Variants in GATAD2B observed in about 807,000 individuals in gnomAD.
The protein encoded by GATAD2B is GATA zinc finger domain containing 2B, also known as transcriptional repressor p66-beta.
Under a neutral mutation model 64.3 loss-of-function variants are expected in GATAD2B, and 8 were observed. The observed-to-expected ratio is 0.12, with a 90% confidence interval of 0.07 to 0.22. GATAD2B has a LOEUF of 0.22. GATAD2B is among the 10% of genes least tolerant of loss of function. The probability of loss-of-function intolerance (pLI) is 1.00; values close to 1 mark genes in which losing one functional copy is unlikely to be tolerated. For synonymous variants in GATAD2B, 281 were observed against 271.3 expected, an observed-to-expected ratio of 1.04 and a Z score of -0.35; for missense variants, 453 against 752.0, an observed-to-expected ratio of 0.60 and a Z score of 4.65.
chr1:153,845,856 G>C (rs1224046893), intron 1 of GATAD2B, among the ~76,000 whole-genome samples: 1 of 152,036 alleles, frequency 6.6e-6, no homozygotes, highest in Non-Finnish European at 1.5e-5. Flanking sequence ...GATTGTTTAA[G>C]CTCTGGTGTT....
In GATAD2B at chr1:153,818,842, C is replaced by T. The variant is rs766166444; in HGVS notation, c.546G>A (p.Leu182=). 1.2e-6 allele frequency: 2 copies of T among 1,613,686 alleles called. No individual in the cohort carries two copies. The highest frequency in any genetic ancestry group is 1.7e-6 in the Non-Finnish European group (2 of 1,179,946). The part of the protein sequence containing the change: ...ELRLEEARLV[L]LKKLRQSQLQ... ...GCTGACTCTGTCTCAGTTTCTTTAA[C>T]AGGACCAGTCGGGCTTCTTCCAATC... Residue 182 remains leucine, a synonymous_variant, in exon 4 of 11, where the codon CTG becomes CTA. Coordinates refer to ENST00000368655, the MANE Select transcript of GATAD2B (RefSeq NM_020699.4).
intron 1 of GATAD2B, among the ~76,000 whole-genome samples, chr1:153,877,083 C>T (rs1676859824): frequency 6.6e-6 from 1 of 152,062 alleles, no homozygotes; most frequent in African/African-American, 2.4e-5. Context: ...GCCTATAATC[C>T]CAGCACTTTG....
intron 1 of GATAD2B, among the ~76,000 whole-genome samples, chr1:153,835,680 C>A (rs1211534066): frequency 6.6e-6 from 1 of 152,106 alleles, no homozygotes; most frequent in African/African-American, 2.4e-5. Context: ...TCCTATTGCA[C>A]TTAATAGACT....
At chr1:153,882,579 C>CT (rs1313733335) in intron 1 of GATAD2B, among the ~76,000 whole-genome samples, 1 of 152,078 alleles carries the variant, frequency 6.6e-6, no homozygotes, top group East Asian at 1.9e-4. Flanking sequence ...CAGCTTAGGC[C>CT]TTTGTTATGT....
Position 153,811,721 on chromosome 1 carries a change from T to C in GATAD2B, c.1648+10A>G, listed in dbSNP as rs1255155103. ...CCCATGAGAAACATTTTCAGATTAA[T>C]CCTTCTTACCTGGCATACCAAGGAG... On this transcript the variant is annotated intron_variant, in intron 10 of 10. Transcript: ENST00000368655. The C allele has an allele frequency of 6.6e-7, 1 of 1,524,070 alleles. No homozygotes were observed. Among genetic ancestry groups the C allele is most frequent in the Admixed American group, 1.7e-5 (1 of 59,630 alleles). 94.4% of individuals were successfully genotyped at this position (1,524,070 alleles called of 1,614,324 possible).
intron 1 of GATAD2B, among the ~76,000 whole-genome samples, chr1:153,877,619 T>C (rs1403994561): frequency 6.6e-6 from 1 of 152,114 alleles, no homozygotes; most frequent in Non-Finnish European, 1.5e-5. Flanking sequence ...GGCTCATGCC[T>C]GTAATCCCAG....
chr1:153,819,888 C>T (rs571200399), intron 2 of GATAD2B, among the ~76,000 whole-genome samples, 153 bp from the exon 3 acceptor site: 1 of 152,158 alleles, frequency 6.6e-6, no homozygotes, highest in Non-Finnish European at 1.5e-5. Flanking sequence ...CACCTGGGGT[C>T]AGGAGTTCGA....
Position 153,821,519 on chromosome 1 carries a change from T to C in GATAD2B, c.336-1784A>G, listed in dbSNP as rs186739733. ...AAGCCACTAGAGGGAGAAAAGAGCC[T>C]TTCATTCTCTAACCCCAAATATGAG... On this transcript the variant is annotated intron_variant, in intron 2 of 10. Coordinates refer to ENST00000368655, the MANE Select transcript of GATAD2B (RefSeq NM_020699.4). Among the ~76,000 whole-genome samples the C allele has an allele frequency of 2.0e-4, 31 of 152,246 alleles. No individual in the cohort carries two copies. In the East Asian group the frequency reaches 5.4e-3, roughly 27 times the overall value.
chr1:153,819,130 G>C (rs944355989), intron 3 of GATAD2B, among the ~76,000 whole-genome samples: 1 of 152,220 alleles, frequency 6.6e-6, no homozygotes, highest in Non-Finnish European at 1.5e-5. Flanking sequence ...TTAAAGGACA[G>C]ACCACGTATA....
intron 7 of GATAD2B, among the ~76,000 whole-genome samples, chr1:153,815,979 G>C (rs1038629825): frequency 6.6e-6 from 1 of 151,900 alleles, no homozygotes; most frequent in Non-Finnish European, 1.5e-5. Flanking sequence ...CTTGAACTCA[G>C]GAGGCAGAGG....
At chr1:153,910,993 C>A (rs1238019040) in intron 1 of GATAD2B, among the ~76,000 whole-genome samples, 1 of 152,054 alleles carries the variant, frequency 6.6e-6, no homozygotes, top group Non-Finnish European at 1.5e-5. Flanking sequence ...AAGGTGTTCC[C>A]TACAGGTGAG....
chr1:153,890,855 A>G (rs1001850259), intron 1 of GATAD2B: 1 of 152,212 alleles, frequency 6.6e-6, no homozygotes, highest in African/African-American at 2.4e-5. Flanking sequence ...GCCAGAACAG[A>G]CTGGCAAAAA....
chr1:153,859,128 C>T (rs754291117), intron 1 of GATAD2B, among the ~76,000 whole-genome samples: 1 of 151,746 alleles, frequency 6.6e-6, no homozygotes, highest in Non-Finnish European at 1.5e-5. Flanking sequence ...TTTGGGAGGC[C>T]GAGGTATGTA....
At chr1:153,881,403 A>T (rs1677005546) in intron 1 of GATAD2B, among the ~76,000 whole-genome samples, 1 of 152,266 alleles carries the variant, frequency 6.6e-6, no homozygotes, top group Admixed American at 6.5e-5. Flanking sequence ...ACTAGAAGCC[A>T]GAGACCCTTA....
At chr1:153,814,564 G>A (rs1378603263) in intron 7 of GATAD2B, among the ~76,000 whole-genome samples, 1 of 152,222 alleles carries the variant, frequency 6.6e-6, no homozygotes, top group East Asian at 1.9e-4. Flanking sequence ...CTTGAGGCCA[G>A]GAGTTTGAGA....
intron 1 of GATAD2B, 109 bp from the exon 2 acceptor site, chr1:153,828,457 C>CAT: frequency 9.9e-6 from 1 of 100,896 alleles, no homozygotes; most frequent in South Asian, 8.5e-5. Context: ...CTCACACATA[C>CAT]ACACACACAC....
In GATAD2B at chr1:153,812,120, G is replaced by T. The variant is rs761820222; in HGVS notation, c.1432C>A (p.Arg478=). ...GAGAGGGCTGCCTGCTGCTGTAATCGCTGTTCAATTTCCTGTTGGGAGTCA... is the reference window on the plus strand; with the variant it reads ...GAGAGGGCTGCCTGCTGCTGTAATCTCTGTTCAATTTCCTGTTGGGAGTCA... ...ALQQEQEIEQ[R]LQQQAALSPT... Residue 478 remains arginine, a synonymous_variant, in exon 9 of 11, where the codon CGA becomes AGA. Coordinates refer to ENST00000368655, the MANE Select transcript of GATAD2B (RefSeq NM_020699.4). 1.2e-5 allele frequency: 19 copies of T among 1,604,948 alleles called. No individual in the cohort carries two copies. The South Asian group carries it at 2.0e-4, about 17-fold the overall frequency.
intron 1 of GATAD2B, among the ~76,000 whole-genome samples, chr1:153,922,348 G>A (rs921212257): frequency 6.7e-6 from 1 of 150,206 alleles, no homozygotes; most frequent in Non-Finnish European, 1.5e-5. Context: ...CGGGCATGAG[G>A]CAGGGAGTGA....
chr1:153,822,896 A>G (rs1291981537), intron 2 of GATAD2B, among the ~76,000 whole-genome samples: 3 of 151,992 alleles, frequency 2.0e-5, no homozygotes, highest in African/African-American at 7.2e-5. Context: ...GGCTCACTGC[A>G]GTCTCAATCT....
Sources: allele counts gnomAD v4.1 joint callset (sites outside exome capture counted in the v4.1 genomes callset), GRCh38; gene constraint gnomAD v4.1.1; transcripts MANE v1.5; gene names NCBI Gene and HGNC (gene_info 2026-07-23, HGNC 2026-07-21).